THADA: variants seen among roughly 807,000 people sequenced by gnomAD.
THADA encodes tRNA (32-2'-O)-methyltransferase regulator THADA.
THADA carries 213 observed loss-of-function variants against 219.8 expected under a neutral mutation model. The ratio of observed to expected loss-of-function variants is 0.97; its 90% CI spans 0.87 to 1.09. The LOEUF (loss-of-function observed/expected upper bound fraction) is 1.09, where lower values mean the gene tolerates loss of function less well. THADA is among the 50% of genes least tolerant of loss of function. The pLI, the probability that THADA is intolerant of heterozygous loss-of-function variation, is 0.00. For missense variants in THADA, 2,956 were observed against 2,311.3 expected, an observed-to-expected ratio of 1.28 and a Z score of -5.72; for synonymous variants, 1,018 against 828.9, an observed-to-expected ratio of 1.23 and a Z score of -3.92.
chr2:43,410,240 A>G (rs1676114854), intron 28 of THADA, among the ~76,000 whole-genome samples: 1 of 152,234 alleles, frequency 6.6e-6, no homozygotes, highest in South Asian at 2.1e-4. Flanking sequence ...AAGACTGAGC[A>G]TACCAAGTGT....
chr2:43,413,771 A>G (rs1676601794), intron 28 of THADA, among the ~76,000 whole-genome samples: 1 of 152,182 alleles, frequency 6.6e-6, no homozygotes, highest in Non-Finnish European at 1.5e-5. Flanking sequence ...CTGTTCATTA[A>G]GGTATTCGGT....
At chr2:43,271,680 TCTC>T (rs1672140116) in intron 36 of THADA, among the ~76,000 whole-genome samples, 1 of 148,204 alleles carries the variant, frequency 6.7e-6, no homozygotes, top group African/African-American at 2.5e-5. Flanking sequence ...AGTGGTGCAA[TCTC>T]AGCTCACTGC....
At chr2:43,258,929 T>C (rs1272013775) in intron 36 of THADA, among the ~76,000 whole-genome samples, 1 of 152,188 alleles carries the variant, frequency 6.6e-6, no homozygotes, top group African/African-American at 2.4e-5. Context: ...GGGCTCACAT[T>C]GGGACTATGG....
intron 31 of THADA, among the ~76,000 whole-genome samples, chr2:43,302,999 A>G (rs1465405255): frequency 6.6e-6 from 1 of 152,208 alleles, no homozygotes. Context: ...TCATTTTGCT[A>G]TAGCTTCCTT....
chr2:43,495,862 G>A (rs1403718371), intron 25 of THADA, among the ~76,000 whole-genome samples: 1 of 152,152 alleles, frequency 6.6e-6, no homozygotes, highest in South Asian at 2.1e-4. Context: ...TAAAGGCATT[G>A]CTCTACTTCC....
intron 26 of THADA, among the ~76,000 whole-genome samples, chr2:43,473,760 C>G (rs1685198083): frequency 6.6e-6 from 1 of 152,104 alleles, no homozygotes; most frequent in Non-Finnish European, 1.5e-5. Context: ...AGGCGCCTGC[C>G]ACCACACCCA....
chr2:43,552,308 T>C lies in THADA; in HGVS notation c.2706A>G (p.Glu902=), dbSNP rs772758126. The change falls in exon 18 of 38, where the codon GAA becomes GAG. Residue 902 remains glutamate (E), a synonymous_variant. Transcript: ENST00000405975. ...GAGAATTTTCAGCCTGAGATACTTC[T>C]TCCTCAAGATTTTCCATCAAGCATT... The part of the protein sequence containing the change: ...VIKCLMENLE[E]EVSQAENSLL... The C allele has an allele frequency of 8.1e-6, 13 of 1,597,830 alleles. No homozygotes were observed. In the African/African-American group the frequency reaches 1.2e-4, roughly 15 times the overall value.
At chr2:43,558,579 A>G (rs1236039184) in intron 16 of THADA, among the ~76,000 whole-genome samples, 6 of 152,146 alleles carry the variant, frequency 3.9e-5, no homozygotes, top group African/African-American at 1.4e-4. Flanking sequence ...GAAAGATTAG[A>G]CTGGTTTAGT....
chr2:43,279,872 C>T lies in THADA; in HGVS notation c.5189G>A (p.Trp1730Ter). 9 of 1,558,824 alleles carry T rather than the reference C, an allele frequency of 5.8e-6. No homozygotes were observed. The highest frequency in any genetic ancestry group is 7.8e-6 in the Non-Finnish European group (9 of 1,155,870). Residue 1730 changes from tryptophan to a stop codon, truncating the protein, a stop_gained, in exon 36 of 38, where the codon TGG becomes TAG. Coordinates refer to ENST00000405975, the MANE Select transcript of THADA (RefSeq NM_022065.5). LOFTEE classifies it high-confidence loss of function. ...CTGCAGAAGGGTAAGGACACACTTC[C>T]AGAGAGCAAGTGTATCCTGCAACTC... ...ILELQDTLAL[W>*]KCVLTLLQSE...
At position 43,285,242 on chromosome 2, in the gene THADA, C is replaced by G. The variant is rs539309999; in HGVS notation, c.5164+1666G>C. Among the ~76,000 whole-genome samples the G allele has an allele frequency of 2.0e-5, 3 of 152,320 alleles. No individual in the cohort carries two copies. The East Asian group carries it at 5.8e-4, about 29-fold the overall frequency. On this transcript the variant is annotated intron_variant, in intron 35 of 37. Transcript: ENST00000405975. Reference sequence around the variant, plus strand: ...GGGGCCTGGGGCAAAATGATATGATCTGGACTTGTGTCCCCACCCAAATCT... The same window carrying G: ...GGGGCCTGGGGCAAAATGATATGATGTGGACTTGTGTCCCCACCCAAATCT...
At chr2:43,468,136 T>A (rs1338782819) in intron 26 of THADA, among the ~76,000 whole-genome samples, 1 of 152,130 alleles carries the variant, frequency 6.6e-6, no homozygotes, top group Non-Finnish European at 1.5e-5. Flanking sequence ...TTTTGTTGTT[T>A]ATATTTTAAA....
At chr2:43,293,352 T>A in intron 31 of THADA, 139 bp from the exon 32 acceptor site, 1 of 942,420 alleles carries the variant, frequency 1.1e-6, no homozygotes, top group Non-Finnish European at 1.5e-6. Context: ...CTGTCATAAG[T>A]GAGTGGCCCT....
intron 30 of THADA, among the ~76,000 whole-genome samples, chr2:43,323,421 C>G (rs1186888177): frequency 6.6e-6 from 1 of 152,194 alleles, no homozygotes; most frequent in East Asian, 1.9e-4. Flanking sequence ...GACTCTCAAT[C>G]GTAACTTTCT....
chr2:43,464,959 A>C (rs931195410), intron 26 of THADA, among the ~76,000 whole-genome samples: 4 of 152,140 alleles, frequency 2.6e-5, no homozygotes, highest in Admixed American at 6.5e-5. Context: ...GAACAGGGGG[A>C]AAAAACCCTG....
intron 29 of THADA, among the ~76,000 whole-genome samples, chr2:43,395,581 G>C (rs1673928285): frequency 6.6e-6 from 1 of 152,146 alleles, no homozygotes; most frequent in African/African-American, 2.4e-5. Context: ...AGGTCCACAA[G>C]ACAAATTATT....
intron 20 of THADA, among the ~76,000 whole-genome samples, chr2:43,544,678 T>G (rs1414696862): frequency 6.6e-6 from 1 of 150,954 alleles, no homozygotes; most frequent in Non-Finnish European, 1.5e-5. Flanking sequence ...TCTCTGTTTG[T>G]CTGTTATTGG....
chr2:43,595,917 C>T lies in THADA; in HGVS notation c.-25+14G>A, dbSNP rs1702103108. On this transcript the variant is annotated intron_variant, in intron 1 of 37. Transcript: ENST00000405975. ...TACCGCGGGTCTGGCAGGCAGGACA[C>T]CTGGGAGCCAAACCTCGTGCACGTC... 6.6e-6 allele frequency: 1 copy of T among 152,330 alleles called. No individual in the cohort carries two copies. Among genetic ancestry groups the T allele is most frequent in the African/African-American group, 2.4e-5 (1 of 41,450 alleles). The allele number at this position is 152,330 out of a possible 1,614,324, so 9.4% of individuals were successfully genotyped here.
chr2:43,512,867 T>C (rs1337238288), intron 22 of THADA, among the ~76,000 whole-genome samples: 1 of 152,244 alleles, frequency 6.6e-6, no homozygotes, highest in African/African-American at 2.4e-5. Flanking sequence ...GAAAAACAAA[T>C]ATTCGTTGGA....
At chr2:43,361,626 T>C (rs2104590412) in intron 29 of THADA, among the ~76,000 whole-genome samples, 1 of 152,392 alleles carries the variant, frequency 6.6e-6, no homozygotes, top group African/African-American at 2.4e-5. Context: ...TTTGGCAGTA[T>C]CGTTCCTTGG....
Sources: allele counts gnomAD v4.1 joint callset (sites outside exome capture counted in the v4.1 genomes callset), GRCh38; gene constraint gnomAD v4.1.1; transcripts MANE v1.5; gene names NCBI Gene and HGNC (gene_info 2026-07-23, HGNC 2026-07-21).